The following DOCK9 variants were observed in gnomAD, a reference collection of about 807,000 sequenced individuals.
DOCK9 encodes the protein dedicator of cytokinesis protein 9.
In DOCK9, 89 loss-of-function variants were observed where a neutral mutation model predicts 263.3. The ratio of observed to expected loss-of-function variants is 0.34; its 90% CI spans 0.28 to 0.40. The LOEUF is 0.40. DOCK9 is among the 10% of genes least tolerant of loss of function. The pLI, the probability that DOCK9 is intolerant of heterozygous loss-of-function variation, is 1.00. For missense variants in DOCK9, 2,140 were observed against 2,603.4 expected (o/e 0.82, Z 3.87); for synonymous variants, 976 against 973.1 (o/e 1.00, Z -0.06).
chr13:98,947,632 A>G (rs894961607), intron 2 of DOCK9, among the ~76,000 whole-genome samples: 1 of 151,002 alleles, frequency 6.6e-6, no homozygotes, highest in Non-Finnish European at 1.5e-5. Flanking sequence ...CATCCTCCCA[A>G]GTAGCTGGGA....
At chr13:98,934,210 C>T (rs537340747) in intron 2 of DOCK9, among the ~76,000 whole-genome samples, 25 of 152,258 alleles carry the variant, frequency 1.6e-4, no homozygotes, top group African/African-American at 6.0e-4. Context: ...AGGCCCAAAT[C>T]TAGCCTTTAG....
At chr13:99,035,931 G>C (rs567183789) in intron 1 of DOCK9, among the ~76,000 whole-genome samples, 1 of 152,092 alleles carries the variant, frequency 6.6e-6, no homozygotes, top group Non-Finnish European at 1.5e-5. Context: ...GAAAAGGACC[G>C]ACCTTTCCTG....
intron 1 of DOCK9, among the ~76,000 whole-genome samples, chr13:98,964,404 C>A (rs186686389): frequency 6.6e-6 from 1 of 152,268 alleles, no homozygotes; most frequent in Admixed American, 6.5e-5. Flanking sequence ...GTTCCTGGAG[C>A]TGATCAATGA....
upstream of DOCK9, among the ~76,000 whole-genome samples, chr13:98,982,241 A>C (rs375826698): frequency 1.3e-5 from 2 of 152,322 alleles, no homozygotes; most frequent in South Asian, 2.1e-4. Flanking sequence ...AAATGTTCCA[A>C]GGGCAATTTG....
At chr13:99,086,482 C>T (rs1321435338) in exon 1 of DOCK9, 1 of 509,182 alleles carries the variant, frequency 2.0e-6, no homozygotes, top group Non-Finnish European at 2.5e-6. Flanking sequence ...CTGCTCCCCC[C>T]GCTGCTCGCC....
chr13:98,908,154 A>G lies in DOCK9; in HGVS notation c.961-3448T>C, dbSNP rs7331332. 5.4e-3 allele frequency among the ~76,000 whole-genome samples: 825 copies of G among 152,342 alleles called. 10 individuals are homozygous for G. The highest frequency in any genetic ancestry group is 0.018 in the African/African-American group (768 of 41,574). ...CAATGTGAACAAGCAAGTCAGGAAG[A>G]AAAAACACAAATGGCAAATAAATAT... On this transcript the variant is annotated intron_variant, in intron 9 of 52. Transcript: ENST00000682017.
chr13:98,809,494 C>T, intron 46 of DOCK9, 29 bp from the exon 47 acceptor site: 1 of 1,536,934 alleles, frequency 6.5e-7, no homozygotes, highest in Non-Finnish European at 8.8e-7. Context: ...CCCATTTCTT[C>T]CCATGTGCAA....
At chr13:98,999,290 G>GCACACACACACACA (rs1217981239) in intron 1 of DOCK9, among the ~76,000 whole-genome samples, 1 of 145,762 alleles carries the variant, frequency 6.9e-6, no homozygotes, top group African/African-American at 2.5e-5. Context: ...GCATGCACGC[G>GCACACACACACACA]CACACACACA....
At chr13:99,086,344 T>C in exon 1 of DOCK9, 1 of 1,442,752 alleles carries the variant, frequency 6.9e-7, no homozygotes, top group Non-Finnish European at 9.1e-7. Flanking sequence ...CAGCGGCGGC[T>C]GCGACATCCT....
At chr13:98,809,750 G>A (rs1199716810) in intron 46 of DOCK9, among the ~76,000 whole-genome samples, 1 of 152,138 alleles carries the variant, frequency 6.6e-6, no homozygotes, top group Non-Finnish European at 1.5e-5. Flanking sequence ...GTGATTCTTG[G>A]CCTTTGCTTT....
intron 9 of DOCK9, among the ~76,000 whole-genome samples, chr13:98,905,637 G>T (rs924372488): frequency 2.0e-5 from 3 of 152,084 alleles, no homozygotes; most frequent in African/African-American, 7.2e-5. Flanking sequence ...GAATGCCAAG[G>T]ATTGGGGATT....
At chr13:98,828,132 G>T (rs2092617603) in intron 43 of DOCK9, among the ~76,000 whole-genome samples, 1 of 152,190 alleles carries the variant, frequency 6.6e-6, no homozygotes, top group African/African-American at 2.4e-5. Flanking sequence ...GCAACACAAA[G>T]AGCTCAGGGA....
intron 1 of DOCK9, among the ~76,000 whole-genome samples, chr13:99,074,417 T>A (rs1192947402): frequency 6.6e-6 from 1 of 152,074 alleles, no homozygotes; most frequent in Non-Finnish European, 1.5e-5. Context: ...AAGAGATCAC[T>A]TTTTACCGCA....
intron 38 of DOCK9, among the ~76,000 whole-genome samples, chr13:98,842,378 A>T (rs1041498730): frequency 6.6e-6 from 1 of 152,248 alleles, no homozygotes; most frequent in African/African-American, 2.4e-5. Flanking sequence ...CTGAAATATT[A>T]TCTGCAACTT....
chr13:99,000,905 G>T (rs1762308267), intron 1 of DOCK9, among the ~76,000 whole-genome samples: 1 of 152,224 alleles, frequency 6.6e-6, no homozygotes, highest in Non-Finnish European at 1.5e-5. Flanking sequence ...AAGATGAGTG[G>T]CAGTGGAGCT....
At chr13:98,905,874 G>C (rs1016790985) in intron 9 of DOCK9, among the ~76,000 whole-genome samples, 8 of 151,928 alleles carry the variant, frequency 5.3e-5, no homozygotes, top group African/African-American at 1.9e-4. Flanking sequence ...CATTTCAGAA[G>C]CATCACTCGG....
At chr13:98,949,853 C>T (rs2057195731) in intron 2 of DOCK9, 1 of 482,418 alleles carries the variant, frequency 2.1e-6, no homozygotes. Flanking sequence ...ATGAGATCTC[C>T]TGGAAATACT....
At chr13:99,059,416 T>C (rs561030509) in intron 1 of DOCK9, among the ~76,000 whole-genome samples, 2 of 148,668 alleles carry the variant, frequency 1.3e-5, no homozygotes, top group African/African-American at 4.9e-5. Context: ...CCCTCCCTCC[T>C]ACATCTAATC....
At chr13:98,796,962 C>A (rs2089497114) in intron 52 of DOCK9, 153 bp downstream of exon 52, 1 of 786,046 alleles carries the variant, frequency 1.3e-6, no homozygotes, top group East Asian at 2.6e-5. Flanking sequence ...TCCCAAATGA[C>A]CTGGGGCTAG....
Sources: gnomAD v4.1 joint callset for allele counts (sites outside exome capture counted in the v4.1 genomes callset) on GRCh38, gnomAD v4.1.1 for gene constraint, MANE v1.5 for transcripts, NCBI Gene and HGNC (gene_info 2026-07-23, HGNC 2026-07-21) for gene names.